Variants in KIAA1217 observed in about 807,000 individuals in gnomAD.
KIAA1217 encodes KIAA1217, also known as sickle tail protein homolog.
A neutral mutation model predicts 163.9 loss-of-function variants in KIAA1217; 88 were observed. The ratio of observed to expected loss-of-function variants is 0.54; its 90% CI spans 0.45 to 0.64. The LOEUF (loss-of-function observed/expected upper bound fraction) is 0.64, where lower values mean the gene tolerates loss of function less well. Ranked by LOEUF, KIAA1217 falls within the 30% of genes least tolerant of loss-of-function variation. The pLI, the probability that KIAA1217 is intolerant of heterozygous loss-of-function variation, is 0.00. For synonymous variants in KIAA1217, 903 were observed against 923.1 expected, an observed-to-expected ratio of 0.98 and a Z score of 0.39; for missense variants, 2,372 against 2,475.0, an observed-to-expected ratio of 0.96 and a Z score of 0.88.
rs1036905440 is a variant in KIAA1217, at chr10:23,830,069, T to A, written c.-321+134835T>A. 6.6e-5 allele frequency among the ~76,000 whole-genome samples: 10 copies of A among 152,168 alleles called. No homozygotes were observed. The East Asian group carries it at 1.9e-3, about 29-fold the overall frequency. On this transcript the variant is annotated intron_variant, in intron 1 of 18. Transcript: ENST00000376462. Reference sequence around the variant, plus strand: ...CCAACAACATTTTCTCTACTCCAAGTGTTACTGGAAAGCTAATCAGAGGCA... The same window carrying A: ...CCAACAACATTTTCTCTACTCCAAGAGTTACTGGAAAGCTAATCAGAGGCA...
intron 1 of KIAA1217, among the ~76,000 whole-genome samples, chr10:23,709,443 T>C (rs1837095209): frequency 6.6e-6 from 1 of 151,772 alleles, no homozygotes; most frequent in Non-Finnish European, 1.5e-5. Context: ...GTGGGAGGAT[T>C]CCTTGAGCCC....
rs1213603272 is a variant in KIAA1217 at position 23,829,714 on chromosome 10, T to A, written c.-321+134480T>A. On this transcript the variant is annotated intron_variant, in intron 1 of 18. Coordinates refer to the KIAA1217 transcript ENST00000376462. Reference sequence around the variant, plus strand: ...TCCTATTATTTAAACAATCCTCTACTGACTGCCTTCTGTGTACTCAGTATT... The same window carrying A: ...TCCTATTATTTAAACAATCCTCTACAGACTGCCTTCTGTGTACTCAGTATT... 6.6e-5 allele frequency among the ~76,000 whole-genome samples: 10 copies of A among 152,222 alleles called. No homozygotes were observed. In the East Asian group the frequency reaches 1.5e-3, roughly 23 times the overall value.
Position 24,436,464 on chromosome 10 carries a change from C to CAAAA in KIAA1217, c.753-1913_753-1910dup, listed in dbSNP as rs34617087. On this transcript the variant is annotated intron_variant, in intron 4 of 20. Coordinates refer to ENST00000376454, the MANE Select transcript of KIAA1217 (RefSeq NM_019590.5). ...TTTTCACCACCAGCATTATATAAGA[C>CAAAA]AAAAAAAAAAAAGGCTGGGCGCTGT... is the stretch of plus-strand genomic sequence containing the variant. 2.2e-4 allele frequency among the ~76,000 whole-genome samples: 31 copies of CAAAA among 138,668 alleles called. 1 individual carries two copies. Among genetic ancestry groups the CAAAA allele is most frequent in the South Asian group, 2.3e-4 (1 of 4,430 alleles). 91.0% of individuals were successfully genotyped at this position (138,668 alleles called of 152,430 possible).
chr10:24,177,743 G>C (rs1218597235), intron 2 of KIAA1217, among the ~76,000 whole-genome samples: 1 of 151,982 alleles, frequency 6.6e-6, no homozygotes, highest in East Asian at 1.9e-4. Context: ...GGTGGTGGGG[G>C]AGGCTAGCTT....
At chr10:24,452,652 A>G (rs1038630167) in intron 5 of KIAA1217, among the ~76,000 whole-genome samples, 11 of 149,452 alleles carry the variant, frequency 7.4e-5, no homozygotes, top group African/African-American at 2.7e-4. Flanking sequence ...ACTGCACTCC[A>G]GCCTGAGTGA....
chr10:24,332,208 A>G (rs982940620), intron 2 of KIAA1217, among the ~76,000 whole-genome samples: 1 of 152,266 alleles, frequency 6.6e-6, no homozygotes, highest in Non-Finnish European at 1.5e-5. Flanking sequence ...AATGAGGAGA[A>G]GAGCTGACAA....
intron 1 of KIAA1217, among the ~76,000 whole-genome samples, chr10:23,747,225 G>T (rs1839461514): frequency 6.6e-6 from 1 of 152,164 alleles, no homozygotes; most frequent in Admixed American, 6.5e-5. Context: ...GGCTGCTGGG[G>T]CGATGACAGT....
intron 2 of KIAA1217, among the ~76,000 whole-genome samples, chr10:24,234,672 A>AG (rs1032889932): frequency 2.0e-5 from 3 of 151,510 alleles, no homozygotes; most frequent in Non-Finnish European, 4.4e-5. Flanking sequence ...AAAAAAAAAA[A>AG]AAAAAAAGAA....
At chr10:24,021,536 G>A (rs1228976160) in intron 2 of KIAA1217, among the ~76,000 whole-genome samples, 1 of 151,918 alleles carries the variant, frequency 6.6e-6, no homozygotes, top group Non-Finnish European at 1.5e-5. Flanking sequence ...TTTATCTACA[G>A]ATTCAGTGTA....
Position 24,088,133 on chromosome 10 carries a change from T to C in KIAA1217, c.-171+80759T>C, listed in dbSNP as rs151140847. 4.3e-3 allele frequency among the ~76,000 whole-genome samples: 534 copies of C among 122,982 alleles called. 101 individuals carry two copies. Among genetic ancestry groups the C allele is most frequent in the Admixed American group, 0.038 (471 of 12,532 alleles). 80.7% of individuals were successfully genotyped at this position (122,982 alleles called of 152,430 possible). On this transcript the variant is annotated intron_variant, in intron 2 of 18. Coordinates refer to the KIAA1217 transcript ENST00000376462. Reference sequence around the variant, plus strand: ...GTTATGTAGATAATGAGTTCTTTTTTCATGCAGAAGAAGCTAATGACTTTG... The same window carrying C: ...GTTATGTAGATAATGAGTTCTTTTTCCATGCAGAAGAAGCTAATGACTTTG...
rs1409061850 is a variant in KIAA1217, at chr10:24,546,475, G to A, written c.*151G>A. The A allele has an allele frequency of 9.3e-6, 8 of 860,772 alleles. No individual in the cohort carries two copies. Among genetic ancestry groups the A allele is most frequent in the Non-Finnish European group, 1.2e-5 (7 of 577,218 alleles). The allele number at this position is 860,772 out of a possible 1,614,324, so 53.3% of individuals were successfully genotyped here. ...CTAAATACTGGATTAATAGATTTCA[G>A]TAAAGCTCGTTCGTTTTGTTTGGTT... is the stretch of plus-strand genomic sequence containing the variant. On this transcript the variant is annotated 3_prime_UTR_variant, in exon 21 of 21. Coordinates refer to ENST00000376454, the MANE Select transcript of KIAA1217 (RefSeq NM_019590.5).
At chr10:23,977,319 T>G (rs1845582482) in intron 1 of KIAA1217, among the ~76,000 whole-genome samples, 1 of 152,160 alleles carries the variant, frequency 6.6e-6, no homozygotes, top group South Asian at 2.1e-4. Context: ...AACACTTTCA[T>G]TTTCCTGCTT....
At chr10:24,254,265 G>C (rs1287572440) in intron 2 of KIAA1217, among the ~76,000 whole-genome samples, 1 of 152,136 alleles carries the variant, frequency 6.6e-6, no homozygotes, top group East Asian at 1.9e-4. Context: ...GTTCAACTTG[G>C]GGTCATTTGT....
intron 3 of KIAA1217, among the ~76,000 whole-genome samples, chr10:24,382,836 T>A (rs999911478): frequency 1.0e-5 from 1 of 97,704 alleles, no homozygotes; most frequent in Non-Finnish European, 1.8e-5. Context: ...ATTTGTGGTT[T>A]TTCTTTTCTT....
chr10:23,824,250 A>G (rs1235951003), intron 1 of KIAA1217, among the ~76,000 whole-genome samples: 1 of 152,024 alleles, frequency 6.6e-6, no homozygotes, highest in Non-Finnish European at 1.5e-5. Context: ...CTGCAGACTG[A>G]GTGACAGGAG....
chr10:23,970,482 C>T (rs1322607176), intron 1 of KIAA1217, among the ~76,000 whole-genome samples: 3 of 151,922 alleles, frequency 2.0e-5, no homozygotes, highest in Admixed American at 6.6e-5. Flanking sequence ...AGGAGCTGGG[C>T]GAGGTGTTGC....
chr10:23,873,528 T>C (rs1244038131), intron 1 of KIAA1217, among the ~76,000 whole-genome samples: 2 of 152,040 alleles, frequency 1.3e-5, no homozygotes, highest in African/African-American at 4.8e-5. Context: ...AAATGAGTTA[T>C]AGTTAGGTAA....
At chr10:24,430,627 A>G (rs748516181) in intron 3 of KIAA1217, among the ~76,000 whole-genome samples, 1 of 152,228 alleles carries the variant, frequency 6.6e-6, no homozygotes, top group Non-Finnish European at 1.5e-5. Context: ...AGTCAGTCCC[A>G]TCTGGAGGTG....
At chr10:23,919,169 C>A (rs1475399304) in intron 1 of KIAA1217, among the ~76,000 whole-genome samples, 2 of 152,144 alleles carry the variant, frequency 1.3e-5, no homozygotes, top group Non-Finnish European at 2.9e-5. Context: ...AGAGAGGAAT[C>A]TGAGAGTCTC....
Sources: allele counts gnomAD v4.1 joint callset (sites outside exome capture counted in the v4.1 genomes callset), GRCh38; gene constraint gnomAD v4.1.1; transcripts MANE v1.5; gene names NCBI Gene and HGNC (gene_info 2026-07-23, HGNC 2026-07-21).